EPHA6: variants seen among roughly 807,000 people sequenced by gnomAD.
The protein encoded by EPHA6 is ephrin type-A receptor 6.
Under a neutral mutation model 112.0 loss-of-function variants are expected in EPHA6, and 50 were observed. The ratio of observed to expected loss-of-function variants is 0.45; its 90% CI spans 0.36 to 0.56. The LOEUF (loss-of-function observed/expected upper bound fraction) is 0.56, where lower values mean the gene tolerates loss of function less well. EPHA6 is among the 20% of genes least tolerant of loss of function. EPHA6 has a pLI of 0.00. For synonymous variants in EPHA6, 529 were observed against 490.7 expected (o/e 1.08, Z -1.03); for missense variants, 1,280 against 1,417.4 (o/e 0.90, Z 1.56).
intron 3 of EPHA6, among the ~76,000 whole-genome samples, chr3:97,189,746 C>A (rs2077250744): frequency 6.6e-6 from 1 of 152,074 alleles, no homozygotes; most frequent in Non-Finnish European, 1.5e-5. Context: ...TACTTTTCTT[C>A]ATTTCAAATT....
chr3:96,819,745 T>C (rs554908888), intron 1 of EPHA6, among the ~76,000 whole-genome samples: 15 of 152,242 alleles, frequency 9.9e-5, no homozygotes, highest in African/African-American at 3.6e-4. Context: ...TTAATCAGAC[T>C]GACATTTAAA....
At chr3:97,207,321 G>T (rs1316015342) in intron 3 of EPHA6, among the ~76,000 whole-genome samples, 1 of 152,066 alleles carries the variant, frequency 6.6e-6, no homozygotes, top group South Asian at 2.1e-4. Flanking sequence ...TGCAAAGTAC[G>T]GTCTTAGAGT....
At chr3:97,137,535 T>C (rs2108343690) in intron 3 of EPHA6, among the ~76,000 whole-genome samples, 1 of 152,312 alleles carries the variant, frequency 6.6e-6, no homozygotes, top group Non-Finnish European at 1.5e-5. Flanking sequence ...CTAATGCTCA[T>C]AACAGGGCCT....
At chr3:97,045,622 A>C (rs1447150232) in intron 3 of EPHA6, among the ~76,000 whole-genome samples, 3 of 152,094 alleles carry the variant, frequency 2.0e-5, no homozygotes, top group Admixed American at 2.0e-4. Context: ...AAATAGATAA[A>C]TCTCAGAAAC....
intron 11 of EPHA6, among the ~76,000 whole-genome samples, chr3:97,576,720 T>C (rs2093389343): frequency 6.6e-6 from 1 of 152,158 alleles, no homozygotes; most frequent in African/African-American, 2.4e-5. Context: ...AAAATTAGAT[T>C]AGAGATGACC....
At chr3:97,713,177 A>G (rs1274140320) in intron 14 of EPHA6, among the ~76,000 whole-genome samples, 1 of 152,186 alleles carries the variant, frequency 6.6e-6, no homozygotes, top group African/African-American at 2.4e-5. Flanking sequence ...GAGAGGGTGG[A>G]GCAGACGCTC....
chr3:97,049,056 G>A (rs148412015), intron 3 of EPHA6, among the ~76,000 whole-genome samples: 8 of 152,326 alleles, frequency 5.3e-5, no homozygotes, highest in Non-Finnish European at 1.0e-4. Context: ...TCCTGAGACA[G>A]AAGCATATCG....
intron 5 of EPHA6, among the ~76,000 whole-genome samples, chr3:97,384,616 A>G (rs1042653693): frequency 1.3e-5 from 2 of 152,234 alleles, no homozygotes; most frequent in African/African-American, 2.4e-5. Flanking sequence ...CTTGAGCCTG[A>G]GTCAACAGAA....
At chr3:97,110,812 A>T (rs1420826420) in intron 3 of EPHA6, among the ~76,000 whole-genome samples, 1 of 152,126 alleles carries the variant, frequency 6.6e-6, no homozygotes, top group Non-Finnish European at 1.5e-5. Context: ...TATAGGTGTG[A>T]GCCACCATGC....
intron 3 of EPHA6, among the ~76,000 whole-genome samples, chr3:97,214,278 A>AT (rs1176487900): frequency 6.6e-6 from 1 of 151,970 alleles, no homozygotes; most frequent in Non-Finnish European, 1.5e-5. Context: ...ACCACAAGTG[A>AT]TTCACCCACC....
chr3:97,536,821 G>C (rs886111316), intron 11 of EPHA6, among the ~76,000 whole-genome samples: 1 of 152,100 alleles, frequency 6.6e-6, no homozygotes, highest in South Asian at 2.1e-4. Context: ...ATTTGGGACA[G>C]TCCCATAACC....
intron 5 of EPHA6, among the ~76,000 whole-genome samples, chr3:97,311,307 G>C (rs889096593): frequency 2.0e-5 from 3 of 151,462 alleles, no homozygotes; most frequent in African/African-American, 7.3e-5. Flanking sequence ...TCATTATCCT[G>C]TTACATTCCC....
At chr3:96,917,606 A>G (rs2039553010) in intron 2 of EPHA6, among the ~76,000 whole-genome samples, 1 of 151,956 alleles carries the variant, frequency 6.6e-6, no homozygotes, top group Admixed American at 6.6e-5. Flanking sequence ...TACTACCTAC[A>G]AACAACCACC....
At chr3:96,871,836 A>G (rs551501537) in intron 2 of EPHA6, among the ~76,000 whole-genome samples, 1 of 152,100 alleles carries the variant, frequency 6.6e-6, no homozygotes, top group Non-Finnish European at 1.5e-5. Flanking sequence ...TTCATAACCA[A>G]GAATTGCCAA....
intron 6 of EPHA6, among the ~76,000 whole-genome samples, chr3:97,413,610 C>G (rs926108703): frequency 6.6e-6 from 1 of 151,980 alleles, no homozygotes; most frequent in Non-Finnish European, 1.5e-5. Flanking sequence ...GGCTATGATA[C>G]AAGGTTGTGA....
chr3:97,574,566 GA>G (rs2093365185), intron 11 of EPHA6, among the ~76,000 whole-genome samples: 3 of 152,068 alleles, frequency 2.0e-5, no homozygotes, highest in Admixed American at 6.6e-5. Context: ...TGTGACCAGA[GA>G]GACTGATAAA....
At chr3:96,913,314 G>A (rs1368558649) in intron 2 of EPHA6, among the ~76,000 whole-genome samples, 9 of 151,450 alleles carry the variant, frequency 5.9e-5, no homozygotes, top group South Asian at 2.1e-4. Context: ...AGAATGCAGC[G>A]AACTATGATT....
At chr3:97,280,131 G>A (rs35342130) in intron 5 of EPHA6, among the ~76,000 whole-genome samples, 12,192 of 152,214 alleles carry the variant, frequency 0.08, 675 homozygotes, top group Non-Finnish European at 0.12. Context: ...TGATCCACCC[G>A]CCTTGGCCTC....
intron 3 of EPHA6, among the ~76,000 whole-genome samples, chr3:97,027,818 G>A (rs1236834179): frequency 6.6e-6 from 1 of 152,112 alleles, no homozygotes; most frequent in African/African-American, 2.4e-5. Flanking sequence ...ACTACTATTA[G>A]GAAGTTGGAG....
Sources: allele counts gnomAD v4.1 joint callset (sites outside exome capture counted in the v4.1 genomes callset), GRCh38; gene constraint gnomAD v4.1.1; transcripts MANE v1.5; gene names NCBI Gene and HGNC (gene_info 2026-07-23, HGNC 2026-07-21).